The following RBFOX1 variants were observed in gnomAD, a reference collection of about 807,000 sequenced individuals.
The protein encoded by RBFOX1 is RNA binding fox-1 homolog 1.
In RBFOX1, 8 loss-of-function variants were observed where a neutral mutation model predicts 57.7. The ratio of observed to expected loss-of-function variants is 0.14; its 90% CI spans 0.08 to 0.25. The LOEUF is 0.25. Ranked by LOEUF, RBFOX1 falls within the 10% of genes least tolerant of loss-of-function variation. The pLI is 1.00. For missense variants in RBFOX1, 611 were observed against 548.5 expected (o/e 1.11, Z -1.14); for synonymous variants, 326 against 222.4 (o/e 1.47, Z -4.15).
At chr16:6,750,046 G>C (rs2074613329) in intron 3 of RBFOX1, among the ~76,000 whole-genome samples, 1 of 152,132 alleles carries the variant, frequency 6.6e-6, no homozygotes, top group Non-Finnish European at 1.5e-5. Flanking sequence ...AATTGATGTA[G>C]CTATCAACTA....
chr16:6,281,974 C>A (rs12446403), intron 1 of RBFOX1, among the ~76,000 whole-genome samples: 28,107 of 151,962 alleles, frequency 0.18, 2,751 homozygotes, highest in Middle Eastern at 0.2. Flanking sequence ...GAGACAGAAA[C>A]GGGTGAGCGT....
At chr16:5,831,432 A>G (rs1421516824) in intron 3 of RBFOX1, among the ~76,000 whole-genome samples, 2 of 151,860 alleles carry the variant, frequency 1.3e-5, no homozygotes, top group Admixed American at 6.6e-5. Flanking sequence ...AGATGTTTGT[A>G]TATCCTGTAG....
At chr16:5,855,561 T>C (rs2057003208) in intron 3 of RBFOX1, among the ~76,000 whole-genome samples, 1 of 152,240 alleles carries the variant, frequency 6.6e-6, no homozygotes, top group Non-Finnish European at 1.5e-5. Context: ...CTAGGCTCTC[T>C]ATTCTGTTCC....
intron 5 of RBFOX1, among the ~76,000 whole-genome samples, chr16:7,531,912 C>G (rs2080182296): frequency 6.6e-6 from 1 of 152,108 alleles, no homozygotes; most frequent in Admixed American, 6.5e-5. Flanking sequence ...CCATCCCCTT[C>G]CCCAGTGGCA....
chr16:6,771,162 G>A (rs2078227183), intron 3 of RBFOX1, among the ~76,000 whole-genome samples: 1 of 152,130 alleles, frequency 6.6e-6, no homozygotes, highest in African/African-American at 2.4e-5. Flanking sequence ...GGGGGAAGAT[G>A]GTCGTCTGCA....
At chr16:6,636,257 G>A (rs1372602815) in intron 2 of RBFOX1, among the ~76,000 whole-genome samples, 3 of 152,086 alleles carry the variant, frequency 2.0e-5, no homozygotes, top group East Asian at 1.9e-4. Context: ...TGCAAGCTCT[G>A]CCTCCCGGGT....
Position 5,411,736 on chromosome 16 carries a change from C to CA in RBFOX1, c.220-55470dup, listed in dbSNP as rs544439342. Among the ~76,000 whole-genome samples, 826 of 146,006 alleles carry CA rather than the reference C, an allele frequency of 5.7e-3. 9 individuals are homozygous for CA. The highest frequency in any genetic ancestry group is 0.017 in the African/African-American group (691 of 39,682). ...GCAACATGGAAAGACCCCATCTGTACAAAAAAAAAATTAGTCAGGCATGGT... is the reference window on the plus strand; with the variant it reads ...GCAACATGGAAAGACCCCATCTGTACAAAAAAAAAAATTAGTCAGGCATGGT... On this transcript the variant is annotated intron_variant, in intron 1 of 2. Transcript: ENST00000585867.
chr16:5,500,162 C>T (rs1401348992), intron 2 of RBFOX1, among the ~76,000 whole-genome samples: 1 of 137,566 alleles, frequency 7.3e-6, no homozygotes, highest in Non-Finnish European at 1.5e-5. Context: ...TCCTCCCCTC[C>T]CACTCCCTGC....
intron 1 of RBFOX1, among the ~76,000 whole-genome samples, chr16:5,245,965 C>T (rs549462205): frequency 4.6e-5 from 7 of 152,026 alleles, no homozygotes; most frequent in Non-Finnish European, 7.4e-5. Context: ...ATATTCTGGC[C>T]GGGCCCAGTG....
At chr16:6,852,545 G>C (rs1450895447) in intron 3 of RBFOX1, among the ~76,000 whole-genome samples, 1 of 152,238 alleles carries the variant, frequency 6.6e-6, no homozygotes, top group East Asian at 1.9e-4. Flanking sequence ...ACTTTGGCGA[G>C]ATACATGGTG....
chr16:7,577,512 C>G (rs542743031), intron 5 of RBFOX1, among the ~76,000 whole-genome samples: 2 of 152,340 alleles, frequency 1.3e-5, no homozygotes, highest in Admixed American at 6.5e-5. Flanking sequence ...AACGTTTAAC[C>G]TCCAGAATTG....
At position 5,993,353 on chromosome 16, in the gene RBFOX1, G is replaced by C. The variant is rs1055179291; in HGVS notation, c.351+126018G>C. On this transcript the variant is annotated intron_variant, in intron 4 of 19. Coordinates refer to the RBFOX1 transcript ENST00000641259. Reference sequence around the variant, plus strand: ...GATAATGCTGTACGTGTGTGTGTGTGTGTGTGTGTGTGTGTGTGTGTGTGT... The same window carrying C: ...GATAATGCTGTACGTGTGTGTGTGTCTGTGTGTGTGTGTGTGTGTGTGTGT... Among the ~76,000 whole-genome samples, 11 of 86,166 alleles carry C rather than the reference G, an allele frequency of 1.3e-4. No homozygotes were observed. The East Asian group carries it at 2.3e-3, about 18-fold the overall frequency. 56.5% of individuals were successfully genotyped at this position (86,166 alleles called of 152,430 possible).
intron 4 of RBFOX1, among the ~76,000 whole-genome samples, chr16:7,225,955 G>T (rs371679870): frequency 4.0e-5 from 6 of 148,970 alleles, no homozygotes; most frequent in African/African-American, 1.5e-4. Flanking sequence ...TGGGTGTCAG[G>T]AATAGCTGAA....
At chr16:7,588,362 C>T (rs961611049) in intron 7 of RBFOX1, among the ~76,000 whole-genome samples, 1 of 152,204 alleles carries the variant, frequency 6.6e-6, no homozygotes, top group Admixed American at 6.5e-5. Flanking sequence ...GAATTCAAAA[C>T]TCCCAAGTTA....
chr16:7,021,844 T>G (rs1398191268), intron 3 of RBFOX1, among the ~76,000 whole-genome samples: 1 of 151,422 alleles, frequency 6.6e-6, no homozygotes, highest in Non-Finnish European at 1.5e-5. Flanking sequence ...GTAGTTGGTA[T>G]TATCTTCATT....
intron 2 of RBFOX1, among the ~76,000 whole-genome samples, chr16:6,322,273 A>G (rs1192609263): frequency 6.6e-6 from 1 of 152,216 alleles, no homozygotes; most frequent in Non-Finnish European, 1.5e-5. Flanking sequence ...TCTTGAAACA[A>G]GAATATCGTC....
chr16:7,541,163 A>C (rs971382853), intron 5 of RBFOX1, among the ~76,000 whole-genome samples: 1 of 152,222 alleles, frequency 6.6e-6, no homozygotes, highest in Admixed American at 6.5e-5. Flanking sequence ...AATTCACTCT[A>C]ATTACTCAGA....
At chr16:5,884,618 G>A (rs550339232) in intron 4 of RBFOX1, among the ~76,000 whole-genome samples, 9 of 152,162 alleles carry the variant, frequency 5.9e-5, no homozygotes, top group South Asian at 2.1e-4. Context: ...AGCCTTTCCC[G>A]TGGATTGCTC....
intron 2 of RBFOX1, among the ~76,000 whole-genome samples, chr16:5,469,660 C>T (rs2069068050): frequency 6.6e-6 from 1 of 152,146 alleles, no homozygotes; most frequent in African/African-American, 2.4e-5. Context: ...TAAGCAGTCA[C>T]TCCCCCTTCC....
Sources: gnomAD v4.1 joint callset for allele counts (sites outside exome capture counted in the v4.1 genomes callset) on GRCh38, gnomAD v4.1.1 for gene constraint, MANE v1.5 for transcripts, NCBI Gene and HGNC (gene_info 2026-07-23, HGNC 2026-07-21) for gene names.